HS6ST3: variants seen among roughly 807,000 people sequenced by gnomAD.
HS6ST3 encodes the protein heparan sulfate 6-O-sulfotransferase 3, also known as heparan-sulfate 6-O-sulfotransferase 3.
HS6ST3 carries 12 observed loss-of-function variants against 36.7 expected under a neutral mutation model. That is an observed-to-expected ratio of 0.33 (90% CI 0.21 to 0.53). The LOEUF is 0.53. Among genes scored for constraint, HS6ST3 ranks in the 20% least tolerant of loss-of-function variants. The probability of loss-of-function intolerance (pLI) is 0.95; values close to 1 mark genes in which losing one functional copy is unlikely to be tolerated. For synonymous variants in HS6ST3, 240 were observed against 257.5 expected (o/e 0.93, Z 0.65); for missense variants, 584 against 640.9 (o/e 0.91, Z 0.96).
At position 96,130,988 on chromosome 13, in the gene HS6ST3, C is replaced by T. The variant is rs1157236331; in HGVS notation, c.707+39419C>T. On this transcript the variant is annotated intron_variant, in intron 1 of 1. Coordinates refer to ENST00000376705, the MANE Select transcript of HS6ST3 (RefSeq NM_153456.4). ...CCTGCTCAGCTACCTGCATTCTTAA[C>T]GCTGTTCCCTCCCACTACCAAGCAG... 4.6e-5 allele frequency among the ~76,000 whole-genome samples: 7 copies of T among 152,258 alleles called. No individual in the cohort carries two copies. The East Asian group carries it at 9.7e-4, about 21-fold the overall frequency.
intron 1 of HS6ST3, among the ~76,000 whole-genome samples, chr13:96,323,936 G>T (rs911207125): frequency 6.6e-6 from 1 of 152,130 alleles, no homozygotes; most frequent in African/African-American, 2.4e-5. Flanking sequence ...AGTTGTTGTC[G>T]CAGGAATACC....
At chr13:96,768,751 G>T (rs1435045302) in intron 1 of HS6ST3, among the ~76,000 whole-genome samples, 1 of 151,906 alleles carries the variant, frequency 6.6e-6, no homozygotes, top group South Asian at 2.1e-4. Context: ...CATTTAGATG[G>T]AATCTAAAAG....
chr13:96,369,081 G>A (rs532847794), intron 1 of HS6ST3, among the ~76,000 whole-genome samples: 1 of 150,822 alleles, frequency 6.6e-6, no homozygotes, highest in African/African-American at 2.4e-5. Flanking sequence ...TGGGGGTGGG[G>A]AGGGTGGGTG....
intron 1 of HS6ST3, among the ~76,000 whole-genome samples, chr13:96,165,296 T>G (rs2054155177): frequency 1.3e-5 from 2 of 152,306 alleles, no homozygotes; most frequent in South Asian, 4.1e-4. Flanking sequence ...TTTGGTGCAG[T>G]ACATATGCAA....
Position 96,581,681 on chromosome 13 carries a change from C to T in HS6ST3, c.708-250809C>T, listed in dbSNP as rs149357912. 6.0e-4 allele frequency among the ~76,000 whole-genome samples: 91 copies of T among 152,104 alleles called. 1 individual carries two copies. In the East Asian group the frequency reaches 0.017, roughly 28 times the overall value. On this transcript the variant is annotated intron_variant, in intron 1 of 1. Coordinates refer to ENST00000376705, the MANE Select transcript of HS6ST3 (RefSeq NM_153456.4). ...GCATGTTAGCTTTCAAAAAGCAAAA[C>T]AAGGTAATGAACAATGTTGATACAA...
At chr13:96,814,906 C>A (rs1049392668) in intron 1 of HS6ST3, among the ~76,000 whole-genome samples, 1 of 152,058 alleles carries the variant, frequency 6.6e-6, no homozygotes, top group African/African-American at 2.4e-5. Flanking sequence ...TTAAAGTTGT[C>A]TTGTGTTTCT....
At chr13:96,330,141 G>A (rs1449334599) in intron 1 of HS6ST3, among the ~76,000 whole-genome samples, 1 of 135,984 alleles carries the variant, frequency 7.4e-6, no homozygotes. Flanking sequence ...TATCCAATTT[G>A]CCAGTCTGTG....
At chr13:96,422,187 C>G (rs544170811) in intron 1 of HS6ST3, among the ~76,000 whole-genome samples, 1 of 152,330 alleles carries the variant, frequency 6.6e-6, no homozygotes, top group East Asian at 1.9e-4. Flanking sequence ...GGCCAGACTG[C>G]TTAGCACATC....
At position 96,833,364 on chromosome 13, in the gene HS6ST3, T is replaced by C. The variant is rs1403601584; in HGVS notation, c.*166T>C. ...TTCATTTTTATCCAGCTGGAGATTA[T>C]CCGTCTTGTTCTTTTTTTTCTTGAC... On this transcript the variant is annotated 3_prime_UTR_variant, in exon 2 of 2. Transcript: ENST00000376705. 4 of 615,234 alleles carry C rather than the reference T, an allele frequency of 6.5e-6. No homozygotes were observed. The highest frequency in any genetic ancestry group is 2.8e-5 in the East Asian group (1 of 35,262). 38.1% of individuals were successfully genotyped at this position (615,234 alleles called of 1,614,324 possible). A position where few individuals can be genotyped will look rare whatever the true frequency, so the allele number is the denominator to read the frequency against.
chr13:96,790,269 GTA>G (rs1491238666), intron 1 of HS6ST3, among the ~76,000 whole-genome samples: 1 of 74,854 alleles, frequency 1.3e-5, no homozygotes, highest in Non-Finnish European at 2.7e-5. Flanking sequence ...AAACACACAT[GTA>G]CACACACACA....
chr13:96,091,569 G>T lies in HS6ST3; in HGVS notation c.707G>T (p.Arg236Met). Reference protein sequence around the residue: ...KDCPRNHSHTRNFYYITMLRD... With the variant: ...KDCPRNHSHTMNFYYITMLRD... ...TGTCCCCGCAACCACAGCCACACCAGGTACTGTCGCCCGCTGGGTCTCTGT... is the reference window on the plus strand; with the variant it reads ...TGTCCCCGCAACCACAGCCACACCATGTACTGTCGCCCGCTGGGTCTCTGT... Residue 236 changes from arginine to methionine, a missense_variant and splice_region_variant, in exon 1 of 2, where the codon AGG becomes ATG. Coordinates refer to ENST00000376705, the MANE Select transcript of HS6ST3 (RefSeq NM_153456.4). 6.4e-7 allele frequency: 1 copy of T among 1,567,850 alleles called. No individual in the cohort carries two copies.
intron 1 of HS6ST3, among the ~76,000 whole-genome samples, chr13:96,398,991 A>T (rs2055435695): frequency 6.6e-6 from 1 of 152,172 alleles, no homozygotes. Flanking sequence ...TTGGTTGACA[A>T]CTTTTGAGAC....
intron 1 of HS6ST3, among the ~76,000 whole-genome samples, chr13:96,183,735 G>C (rs558813092): frequency 1.3e-5 from 2 of 152,178 alleles, no homozygotes; most frequent in Non-Finnish European, 2.9e-5. Context: ...CAAATTCATG[G>C]AGACAGAAAA....
chr13:96,187,604 A>G (rs770107877), intron 1 of HS6ST3, among the ~76,000 whole-genome samples: 1 of 152,146 alleles, frequency 6.6e-6, no homozygotes. Flanking sequence ...GCACTTGAAT[A>G]TTGGCTGTAG....
At position 96,581,245 on chromosome 13, in the gene HS6ST3, A is replaced by G. The variant is rs1428583335; in HGVS notation, c.708-251245A>G. 2.7e-5 allele frequency among the ~76,000 whole-genome samples: 4 copies of G among 145,640 alleles called. No homozygotes were observed. The East Asian group carries it at 8.0e-4, about 29-fold the overall frequency. On this transcript the variant is annotated intron_variant, in intron 1 of 1. Coordinates refer to ENST00000376705, the MANE Select transcript of HS6ST3 (RefSeq NM_153456.4). ...CTATTTTTTTTTTTTTTTGAGACGGAGTCTCACTCTGTCTCCCAGGCTGGA... is the reference window on the plus strand; with the variant it reads ...CTATTTTTTTTTTTTTTTGAGACGGGGTCTCACTCTGTCTCCCAGGCTGGA...
rs144670201 is a variant in HS6ST3, at chr13:96,179,627, G to A, written c.707+88058G>A. Among the ~76,000 whole-genome samples, 48 of 152,152 alleles carry A rather than the reference G, an allele frequency of 3.2e-4. No individual in the cohort carries two copies. In the Middle Eastern group the frequency reaches 0.01, roughly 32 times the overall value. ...TTCTTCTCCTTTTGGGCCAACATGC[G>A]GGAGACTATTACTAAGTCAGTCTCT... On this transcript the variant is annotated intron_variant, in intron 1 of 1. Coordinates refer to ENST00000376705, the MANE Select transcript of HS6ST3 (RefSeq NM_153456.4).
chr13:96,235,657 A>C (rs575147633), intron 1 of HS6ST3, among the ~76,000 whole-genome samples: 39 of 152,128 alleles, frequency 2.6e-4, no homozygotes, highest in African/African-American at 9.2e-4. Flanking sequence ...CCCAACCACC[A>C]TTCAAAAACC....
intron 1 of HS6ST3, among the ~76,000 whole-genome samples, chr13:96,366,101 A>T (rs2139438106): frequency 6.6e-6 from 1 of 152,290 alleles, no homozygotes; most frequent in East Asian, 1.9e-4. Flanking sequence ...AAGATGTTGA[A>T]TTTTTTATAC....
chr13:96,485,665 G>A lies in HS6ST3; in HGVS notation c.708-346825G>A, dbSNP rs535931107. Among the ~76,000 whole-genome samples the A allele has an allele frequency of 2.7e-4, 41 of 152,194 alleles. No individual in the cohort carries two copies. In the East Asian group the frequency reaches 5.0e-3, roughly 19 times the overall value. On this transcript the variant is annotated intron_variant, in intron 1 of 1. Transcript: ENST00000376705. ...ATTATCATGTTCCTGAAATTAGTGGGAAAGCTTCAAATTTTCACCATTAAC... is the reference window on the plus strand; with the variant it reads ...ATTATCATGTTCCTGAAATTAGTGGAAAAGCTTCAAATTTTCACCATTAAC...
Sources: allele counts gnomAD v4.1 joint callset (sites outside exome capture counted in the v4.1 genomes callset), GRCh38; gene constraint gnomAD v4.1.1; transcripts MANE v1.5; gene names NCBI Gene and HGNC (gene_info 2026-07-23, HGNC 2026-07-21).